The following EGFLAM variants were observed in gnomAD, a reference collection of about 807,000 sequenced individuals.
EGFLAM encodes pikachurin.
EGFLAM carries 79 observed loss-of-function variants against 113.1 expected under a neutral mutation model. The observed-to-expected ratio is 0.70, with a 90% CI of 0.58 to 0.84. EGFLAM has a LOEUF of 0.84. Among genes scored for constraint, EGFLAM ranks in the 40% least tolerant of loss-of-function variants. The probability of loss-of-function intolerance (pLI) is 0.00; values close to 1 mark genes in which losing one functional copy is unlikely to be tolerated. For synonymous variants in EGFLAM, 504 were observed against 487.6 expected, an observed-to-expected ratio of 1.03 and a Z score of -0.44; for missense variants, 1,265 against 1,291.6, an observed-to-expected ratio of 0.98 and a Z score of 0.32.
chr5:38,448,793 G>T (rs1164164876), intron 18 of EGFLAM, among the ~76,000 whole-genome samples: 4 of 152,310 alleles, frequency 2.6e-5, no homozygotes, highest in African/African-American at 9.6e-5. Flanking sequence ...GTGCAGCTCT[G>T]ACCTGGGCCA....
At chr5:38,365,631 G>C (rs920168793) in intron 5 of EGFLAM, among the ~76,000 whole-genome samples, 1 of 152,140 alleles carries the variant, frequency 6.6e-6, no homozygotes, top group Non-Finnish European at 1.5e-5. Context: ...TCTTTTACCA[G>C]CATTTTGTTT....
chr5:38,349,773 G>GCGCACACACACACA (rs1554049180), intron 3 of EGFLAM, among the ~76,000 whole-genome samples: 29 of 131,040 alleles, frequency 2.2e-4, no homozygotes, highest in South Asian at 1.3e-3. Context: ...AAGTACACAC[G>GCGCACACACACACA]CACACACACA....
intron 5 of EGFLAM, among the ~76,000 whole-genome samples, chr5:38,355,360 T>C (rs187353820): frequency 1.3e-5 from 2 of 152,238 alleles, no homozygotes; most frequent in African/African-American, 2.4e-5. Flanking sequence ...GGGGGGAGTC[T>C]GGAGAGGTGA....
intron 6 of EGFLAM, among the ~76,000 whole-genome samples, chr5:38,371,702 G>A (rs1337185178): frequency 2.0e-5 from 3 of 152,140 alleles, no homozygotes; most frequent in Middle Eastern, 3.4e-3. Context: ...AAAAAAAAAT[G>A]TTTTCACTCT....
chr5:38,359,360 C>T (rs1162225267), intron 5 of EGFLAM, among the ~76,000 whole-genome samples: 1 of 152,224 alleles, frequency 6.6e-6, no homozygotes, highest in African/African-American at 2.4e-5. Context: ...GGCTAAAGCT[C>T]AGCAATGGCT....
In EGFLAM at chr5:38,439,751, T is replaced by A. The variant is rs114012213; in HGVS notation, c.2464+1296T>A. On this transcript the variant is annotated intron_variant, in intron 17 of 21. Coordinates refer to ENST00000322350, the MANE Select transcript of EGFLAM (RefSeq NM_152403.4). ...CCTAACAAGCAAATTGCTGTTTAGC[T>A]AATAGGTTGTACTTACAGAGATTTA... Among the ~76,000 whole-genome samples the A allele has an allele frequency of 4.2e-3, 642 of 152,364 alleles. 5 individuals are homozygous for A. The highest frequency in any genetic ancestry group is 0.015 in the African/African-American group (626 of 41,588).
At chr5:38,415,484 G>A (rs1403586108) in intron 11 of EGFLAM, among the ~76,000 whole-genome samples, 2 of 152,104 alleles carry the variant, frequency 1.3e-5, no homozygotes, top group African/African-American at 4.8e-5. Flanking sequence ...GCCTAGCCTA[G>A]GCAACATGGT....
In EGFLAM at chr5:38,258,738, C is replaced by T. The variant is rs184739651; in HGVS notation, c.-17C>T. ...GCGCCCGGGACTTGGTGAAACTTTG[C>T]AGGCGCCGGCTGCGAAATGGATTTA... On this transcript the variant is annotated 5_prime_UTR_variant, in exon 1 of 22. Coordinates refer to ENST00000322350, the MANE Select transcript of EGFLAM (RefSeq NM_152403.4). 4.5e-5 allele frequency: 72 copies of T among 1,599,504 alleles called. No individual in the cohort carries two copies. In the East Asian group the frequency reaches 1.6e-3, roughly 35 times the overall value.
intron 1 of EGFLAM, among the ~76,000 whole-genome samples, chr5:38,293,035 T>C (rs1425363837): frequency 1.3e-5 from 2 of 152,242 alleles, no homozygotes; most frequent in African/African-American, 2.4e-5. Context: ...ATTTCTGCCA[T>C]TGAGACTCTG....
intron 5 of EGFLAM, among the ~76,000 whole-genome samples, chr5:38,356,795 T>G (rs79148190): frequency 6.6e-6 from 1 of 152,130 alleles, no homozygotes; most frequent in Non-Finnish European, 1.5e-5. Flanking sequence ...TATAGGTGAG[T>G]GAATGTATGT....
chr5:38,409,185 T>C lies in EGFLAM; in HGVS notation c.1349+81T>C, dbSNP rs372854883. The C allele has an allele frequency of 5.1e-4, 547 of 1,078,106 alleles. 4 individuals are homozygous for C. The South Asian group carries it at 8.4e-3, about 17-fold the overall frequency. The allele number at this position is 1,078,106 out of a possible 1,614,324, so 66.8% of individuals were successfully genotyped here. ...TTTGCCTTTTTATAGTATGAAAAAA[T>C]ATATACAGGATAGGTTCTAGTAGAT... On this transcript the variant is annotated intron_variant, in intron 10 of 21. Transcript: ENST00000322350.
Position 38,357,456 on chromosome 5 carries a change from G to C in EGFLAM, c.545+5125G>C, listed in dbSNP as rs528934076. Among the ~76,000 whole-genome samples the C allele has an allele frequency of 2.6e-4, 39 of 152,256 alleles. 1 individual carries two copies. Among genetic ancestry groups the C allele is most frequent in the African/African-American group, 9.1e-4 (38 of 41,556 alleles). On this transcript the variant is annotated intron_variant, in intron 5 of 21. Transcript: ENST00000322350. ...CCAAAGAGACTAAGACAGTAAGAAA[G>C]GATGAAAGGCTTTGGGTGGGGGAGG...
At chr5:38,355,959 C>T (rs1482862097) in intron 5 of EGFLAM, among the ~76,000 whole-genome samples, 5 of 152,028 alleles carry the variant, frequency 3.3e-5, no homozygotes, top group African/African-American at 1.2e-4. Context: ...GGGGTTTCAC[C>T]GTGTTGGTCA....
At chr5:38,385,177 T>C (rs1322046768) in intron 6 of EGFLAM, among the ~76,000 whole-genome samples, 3 of 151,718 alleles carry the variant, frequency 2.0e-5, no homozygotes, top group Admixed American at 6.6e-5. Flanking sequence ...CTACCACTTA[T>C]AATAAGTGTA....
At chr5:38,347,322 C>T (rs1739497204) in intron 3 of EGFLAM, among the ~76,000 whole-genome samples, 2 of 152,264 alleles carry the variant, frequency 1.3e-5, no homozygotes, top group African/African-American at 4.8e-5. Flanking sequence ...TCTGGTAATA[C>T]TATGCTAAGC....
chr5:38,405,941 T>C (rs564162833), intron 6 of EGFLAM, among the ~76,000 whole-genome samples, 185 bp from the exon 7 acceptor site: 12 of 152,334 alleles, frequency 7.9e-5, no homozygotes. Context: ...CTTAGTAACT[T>C]ATGAGAGGAA....
At chr5:38,430,064 C>T (rs3110989) in intron 14 of EGFLAM, 4 of 226,712 alleles carry the variant, frequency 1.8e-5, no homozygotes, top group Admixed American at 4.1e-5. Flanking sequence ...GGCAATCTGA[C>T]GTGCCATCAT....
intron 1 of EGFLAM, among the ~76,000 whole-genome samples, chr5:38,295,885 A>C (rs956779736): frequency 6.6e-6 from 1 of 152,226 alleles, no homozygotes; most frequent in Non-Finnish European, 1.5e-5. Flanking sequence ...ACAATTTGCA[A>C]TTCTGAAATG....
intron 1 of EGFLAM, among the ~76,000 whole-genome samples, chr5:38,262,890 T>A (rs990666654): frequency 6.6e-6 from 1 of 152,226 alleles, no homozygotes; most frequent in African/African-American, 2.4e-5. Context: ...TTGAGCTGGA[T>A]AAGAAATCAC....
Sources: gnomAD v4.1 joint callset for allele counts (sites outside exome capture counted in the v4.1 genomes callset) on GRCh38, gnomAD v4.1.1 for gene constraint, MANE v1.5 for transcripts, NCBI Gene and HGNC (gene_info 2026-07-23, HGNC 2026-07-21) for gene names.